Variants in ZNF652 observed in about 807,000 individuals in gnomAD.
ZNF652 encodes zinc finger protein 652.
ZNF652 carries 16 observed loss-of-function variants against 45.2 expected under a neutral mutation model. The ratio of observed to expected loss-of-function variants is 0.35; its 90% CI spans 0.24 to 0.54. The LOEUF is 0.54. Among genes scored for constraint, ZNF652 ranks in the 20% least tolerant of loss-of-function variants. The probability of loss-of-function intolerance (pLI) is 0.91; values close to 1 mark genes in which losing one functional copy is unlikely to be tolerated. For missense variants in ZNF652, 614 were observed against 765.6 expected (o/e 0.80, Z 2.34); for synonymous variants, 250 against 260.6 (o/e 0.96, Z 0.39).
chr17:49,321,571 C>T (rs140184045), intron 1 of ZNF652, among the ~76,000 whole-genome samples: 134 of 152,082 alleles, frequency 8.8e-4, no homozygotes, highest in African/African-American at 2.9e-3. Context: ...TGCCCAGCCA[C>T]ACAGTGTGTT....
chr17:49,300,894 TA>T (rs1353853430), intron 5 of ZNF652, among the ~76,000 whole-genome samples: 1 of 152,256 alleles, frequency 6.6e-6, no homozygotes, highest in Non-Finnish European at 1.5e-5. Context: ...ATGGAATTAA[TA>T]AACTTGCTCA....
At chr17:49,358,874 GAA>G (rs1293772685) in intron 1 of ZNF652, among the ~76,000 whole-genome samples, 1 of 152,162 alleles carries the variant, frequency 6.6e-6, no homozygotes, top group Admixed American at 6.6e-5. Context: ...GAGTGTTGGA[GAA>G]ACTAAAGCAA....
intron 1 of ZNF652, among the ~76,000 whole-genome samples, chr17:49,357,165 G>A (rs901472874): frequency 6.6e-6 from 1 of 152,078 alleles, no homozygotes; most frequent in African/African-American, 2.4e-5. Context: ...TGGGCATAAT[G>A]GTGCATGCCT....
rs761351029 is a variant in ZNF652, at chr17:49,326,583, C to T, written c.-258-8600G>A. Reference sequence around the variant, plus strand: ...TGAACCTAGGGACCAAAGAAAAAACCGACATGTGAACTACTCCTCAGGGGC... The same window carrying T: ...TGAACCTAGGGACCAAAGAAAAAACTGACATGTGAACTACTCCTCAGGGGC... On this transcript the variant is annotated intron_variant, in intron 1 of 5. Coordinates refer to ENST00000430262, the MANE Select transcript of ZNF652 (RefSeq NM_001145365.3). 5.3e-5 allele frequency among the ~76,000 whole-genome samples: 8 copies of T among 151,986 alleles called. No homozygotes were observed. In the South Asian group the frequency reaches 8.3e-4, roughly 16 times the overall value.
At chr17:49,304,515 T>C (rs745924238) in intron 5 of ZNF652, among the ~76,000 whole-genome samples, 4 of 152,094 alleles carry the variant, frequency 2.6e-5, no homozygotes, top group Non-Finnish European at 4.4e-5. Context: ...TAAATACAAA[T>C]GTAACATTTA....
chr17:49,299,757 G>A (rs1215694137), intron 5 of ZNF652, among the ~76,000 whole-genome samples: 2 of 151,608 alleles, frequency 1.3e-5, no homozygotes, highest in Admixed American at 1.3e-4. Context: ...GCTCGCTGCA[G>A]TTTCAACCTC....
At chr17:49,346,256 A>T (rs2070203756) in intron 1 of ZNF652, among the ~76,000 whole-genome samples, 1 of 152,192 alleles carries the variant, frequency 6.6e-6, no homozygotes, top group Non-Finnish European at 1.5e-5. Flanking sequence ...CTTTATTTAT[A>T]AAAAAACAAA....
In ZNF652 at chr17:49,311,947, C is replaced by G; in HGVS notation, c.1144G>C (p.Glu382Gln). 2 of 1,613,564 alleles carry G rather than the reference C, an allele frequency of 1.2e-6. No homozygotes were observed. Among genetic ancestry groups the G allele is most frequent in the Non-Finnish European group, 1.7e-6 (2 of 1,179,614 alleles). ...LKVHSLQHSG[E>Q]KPFRCENCDE... is the part of the protein sequence containing the mutation. ...CTTACCTCGCATCTAAAGGGCTTCT[C>G]TCCAGAATGCTGCAAGGAGTGCACC... The change falls in exon 4 of 6, where the codon GAG becomes CAG. Residue 382 changes from glutamate (E) to glutamine (Q), a missense_variant. Transcript: ENST00000430262.
chr17:49,298,909 A>T lies in ZNF652; in HGVS notation c.1325T>A (p.Ile442Asn). The T allele has an allele frequency of 6.2e-7, 1 of 1,611,030 alleles. No homozygotes were observed. The highest frequency in any genetic ancestry group is 8.5e-7 in the Non-Finnish European group (1 of 1,178,796). ...GAAGCTTTTGCCACAGATTTCACAG[A>T]TAAAGGGTTTCTCTCCTGAGATGAA... ...MKTHTGEKPF[I>N]CEICGKSFTS... Residue 442 changes from isoleucine (I) to asparagine (N), a missense_variant, in exon 6 of 6, where the codon ATC (isoleucine) becomes AAC (asparagine). Coordinates refer to ENST00000430262, the MANE Select transcript of ZNF652 (RefSeq NM_001145365.3).
At chr17:49,352,813 T>TTGG (rs2070296156) in intron 1 of ZNF652, among the ~76,000 whole-genome samples, 1 of 152,192 alleles carries the variant, frequency 6.6e-6, no homozygotes, top group Non-Finnish European at 1.5e-5. Context: ...AGGAACAAAC[T>TTGG]GTTGATAAAC....
intron 1 of ZNF652, among the ~76,000 whole-genome samples, chr17:49,319,231 A>T (rs2143808825): frequency 6.6e-6 from 1 of 152,306 alleles, no homozygotes; most frequent in East Asian, 1.9e-4. Flanking sequence ...GAAGGAAATG[A>T]GTATTTATTA....
At chr17:49,333,545 T>TGAAAAAAA (rs1453658365) in intron 1 of ZNF652, among the ~76,000 whole-genome samples, 1 of 48,114 alleles carries the variant, frequency 2.1e-5, no homozygotes, top group Non-Finnish European at 3.7e-5. Context: ...CTGTCTCTAC[T>TGAAAAAAA]AAAAAAAAAA....
intron 5 of ZNF652, among the ~76,000 whole-genome samples, chr17:49,310,175 G>A (rs1376274153): frequency 1.3e-5 from 2 of 152,092 alleles, no homozygotes; most frequent in African/African-American, 4.8e-5. Context: ...GGATGGTCTC[G>A]ATCTCCTGAC....
chr17:49,325,554 T>TG (rs1283253917), intron 1 of ZNF652, among the ~76,000 whole-genome samples: 1 of 152,040 alleles, frequency 6.6e-6, no homozygotes, highest in Non-Finnish European at 1.5e-5. Context: ...CTGGTAGACT[T>TG]GCTCCATGGA....
intron 1 of ZNF652, among the ~76,000 whole-genome samples, chr17:49,331,069 C>CAAA (rs1235620186): frequency 1.5e-5 from 1 of 67,348 alleles, no homozygotes; most frequent in Non-Finnish European, 3.1e-5. Flanking sequence ...AACTCCATCT[C>CAAA]AAAAAAAAAA....
At chr17:49,354,782 G>C (rs1282053298) in intron 1 of ZNF652, among the ~76,000 whole-genome samples, 4 of 151,840 alleles carry the variant, frequency 2.6e-5, no homozygotes, top group Non-Finnish European at 5.9e-5. Context: ...CTGGAGTGCA[G>C]TGGTGCAATC....
In ZNF652 at chr17:49,289,775, G is replaced by A. The variant is rs2069380632; in HGVS notation, c.*8638C>T. The A allele has an allele frequency of 6.6e-6, 1 of 152,344 alleles. No homozygotes were observed. The highest frequency in any genetic ancestry group is 6.5e-5 in the Admixed American group (1 of 15,294). 9.4% of individuals were successfully genotyped at this position (152,344 alleles called of 1,614,324 possible). On this transcript the variant is annotated 3_prime_UTR_variant, in exon 6 of 6. Transcript: ENST00000430262. ...TGACCTTCAATTGCGTCTCCGCAGAGAGGTAGGAGAGGGACACTGCCCCAT... is the reference window on the plus strand; with the variant it reads ...TGACCTTCAATTGCGTCTCCGCAGAAAGGTAGGAGAGGGACACTGCCCCAT...
intron 1 of ZNF652, among the ~76,000 whole-genome samples, chr17:49,344,482 T>C (rs928384486): frequency 1.3e-5 from 2 of 151,236 alleles, no homozygotes; most frequent in South Asian, 4.2e-4. Flanking sequence ...CTTACCAAAA[T>C]CAAAGAATTT....
chr17:49,349,798 T>G (rs1443766497), intron 1 of ZNF652, among the ~76,000 whole-genome samples: 1 of 152,024 alleles, frequency 6.6e-6, no homozygotes, highest in African/African-American at 2.4e-5. Flanking sequence ...ACAAGAAGGG[T>G]GGGGAAAATT....
Sources: allele counts gnomAD v4.1 joint callset (sites outside exome capture counted in the v4.1 genomes callset), GRCh38; gene constraint gnomAD v4.1.1; transcripts MANE v1.5; gene names NCBI Gene and HGNC (gene_info 2026-07-23, HGNC 2026-07-21).